The following USP37 variants were observed in gnomAD, a reference collection of about 807,000 sequenced individuals.
The protein encoded by USP37 is ubiquitin specific peptidase 37.
In USP37, 27 loss-of-function variants were observed where a neutral mutation model predicts 124.0. The ratio of observed to expected loss-of-function variants is 0.22; its 90% CI spans 0.16 to 0.30. The LOEUF is 0.30. Among genes scored for constraint, USP37 ranks in the 10% least tolerant of loss-of-function variants. USP37 has a pLI of 1.00. For missense variants in USP37, 889 were observed against 1,140.4 expected, an observed-to-expected ratio of 0.78 and a Z score of 3.17; for synonymous variants, 365 against 388.0, an observed-to-expected ratio of 0.94 and a Z score of 0.70.
chr2:218,450,701 T>C lies in USP37; in HGVS notation c.*4229A>G, dbSNP rs1463547499. 6.6e-6 allele frequency: 1 copy of C among 152,244 alleles called. No homozygotes were observed. Among genetic ancestry groups the C allele is most frequent in the Non-Finnish European group, 1.5e-5 (1 of 68,054 alleles). The allele number at this position is 152,244 out of a possible 1,614,324, so 9.4% of individuals were successfully genotyped here. On this transcript the variant is annotated 3_prime_UTR_variant, in exon 26 of 26. Coordinates refer to ENST00000258399, the MANE Select transcript of USP37 (RefSeq NM_020935.3). ...AGTAGACCAGTTTAGTTGACTGTTC[T>C]TCTTTGTTCTGGCATCTGACTGGAC...
chr2:218,456,365 C>G (rs1456897201), intron 24 of USP37, among the ~76,000 whole-genome samples: 1 of 151,424 alleles, frequency 6.6e-6, no homozygotes, highest in Non-Finnish European at 1.5e-5. Flanking sequence ...GGAGGAGGAT[C>G]TCTTGAGCTC....
intron 8 of USP37, among the ~76,000 whole-genome samples, chr2:218,537,826 C>T (rs948262749): frequency 6.6e-6 from 1 of 152,136 alleles, no homozygotes; most frequent in Non-Finnish European, 1.5e-5. Context: ...CAAGACCATG[C>T]TGTCTGCAGC....
intron 15 of USP37, among the ~76,000 whole-genome samples, chr2:218,486,877 C>G (rs1217205851): frequency 1.3e-5 from 2 of 152,102 alleles, no homozygotes; most frequent in Non-Finnish European, 2.9e-5. Flanking sequence ...AGGCGCCCGC[C>G]ACCACGCCCA....
At chr2:218,546,412 C>T in intron 7 of USP37, 114 bp from the exon 8 acceptor site, 1 of 664,320 alleles carries the variant, frequency 1.5e-6, no homozygotes, top group Non-Finnish European at 2.5e-6. Context: ...TAATTCTCTA[C>T]ACCATATTTA....
intron 11 of USP37, among the ~76,000 whole-genome samples, chr2:218,502,158 G>C (rs905717810): frequency 6.6e-6 from 1 of 151,872 alleles, no homozygotes. Flanking sequence ...ACTTAAACAG[G>C]AGACTCAAAA....
chr2:218,480,457 A>G, intron 17 of USP37, among the ~76,000 whole-genome samples: 1 of 152,140 alleles, frequency 6.6e-6, no homozygotes, highest in South Asian at 2.1e-4. Context: ...AGAAAATAAA[A>G]TACCATCTCT....
At chr2:218,566,910 G>A (rs1182031923) in intron 1 of USP37, among the ~76,000 whole-genome samples, 1 of 152,112 alleles carries the variant, frequency 6.6e-6, no homozygotes, top group Non-Finnish European at 1.5e-5. Context: ...TGGGACACTG[G>A]AGAAGAAAGA....
chr2:218,546,369 T>C, intron 7 of USP37, 71 bp from the exon 8 acceptor site: 1 of 1,064,592 alleles, frequency 9.4e-7, no homozygotes, highest in East Asian at 2.4e-5. Flanking sequence ...TAAATCAACA[T>C]ACTGAAGGAC....
intron 1 of USP37, 57 bp downstream of exon 1, chr2:218,568,121 A>AAGG (rs1240903194): frequency 6.6e-6 from 1 of 152,404 alleles, no homozygotes; most frequent in Admixed American, 6.5e-5. Context: ...GATCGCACAG[A>AAGG]AGGAGGAGGA....
intron 20 of USP37, chr2:218,473,230 T>C (rs761688404): frequency 2.6e-5 from 4 of 152,274 alleles, no homozygotes; most frequent in South Asian, 2.1e-4. Context: ...TAGGAAGTTA[T>C]AGGACTGGGC....
At position 218,526,933 on chromosome 2, in the gene USP37, C is replaced by G. The variant is rs569453709; in HGVS notation, c.863+3023G>C. Among the ~76,000 whole-genome samples the G allele has an allele frequency of 3.3e-5, 5 of 151,660 alleles. No homozygotes were observed. In the South Asian group the frequency reaches 1.0e-3, roughly 32 times the overall value. On this transcript the variant is annotated intron_variant, in intron 10 of 25. Coordinates refer to ENST00000258399, the MANE Select transcript of USP37 (RefSeq NM_020935.3). The stretch of plus-strand genomic sequence containing the variant: ...CCTCCCGAGTAGCTGGGACTACAGG[C>G]GCCCGCCACCACGCCCGGCTAATTT...
At chr2:218,474,483 T>C in intron 20 of USP37, 147 bp downstream of exon 20, 1 of 1,199,794 alleles carries the variant, frequency 8.3e-7, no homozygotes, top group Admixed American at 2.8e-5. Flanking sequence ...TGCCTCAGCC[T>C]CCCGAGTAGC....
chr2:218,511,411 C>T lies in USP37; in HGVS notation c.864-1271G>A, dbSNP rs774495501. 5.3e-5 allele frequency among the ~76,000 whole-genome samples: 8 copies of T among 152,182 alleles called. No homozygotes were observed. The East Asian group carries it at 5.8e-4, about 11-fold the overall frequency. On this transcript the variant is annotated intron_variant, in intron 10 of 25. Transcript: ENST00000258399. ...GCAACCTCCGCCTCCCGGATTCAAG[C>T]GATTCTCCTGCCTCAGGCTCCCGAC...
chr2:218,550,627 A>C (rs1574956303), intron 5 of USP37, among the ~76,000 whole-genome samples: 2 of 151,304 alleles, frequency 1.3e-5, no homozygotes, highest in Non-Finnish European at 2.9e-5. Flanking sequence ...CAAAAAAAAA[A>C]GAAAAAAGAA....
chr2:218,539,637 C>A (rs1287530220), intron 8 of USP37, among the ~76,000 whole-genome samples: 1 of 151,916 alleles, frequency 6.6e-6, no homozygotes, highest in Non-Finnish European at 1.5e-5. Flanking sequence ...ATCGCCTGAG[C>A]CCGGGAGGCG....
chr2:218,468,293 C>T (rs1690482547), intron 20 of USP37, among the ~76,000 whole-genome samples: 3 of 151,908 alleles, frequency 2.0e-5, no homozygotes, highest in Admixed American at 1.3e-4. Context: ...CAACCTCCAC[C>T]TCCCGGGTTC....
intron 4 of USP37, among the ~76,000 whole-genome samples, chr2:218,554,536 C>A (rs1191473228): frequency 6.6e-6 from 1 of 152,136 alleles, no homozygotes; most frequent in Non-Finnish European, 1.5e-5. Context: ...CACCTGAGGT[C>A]AGGAGTTCAA....
chr2:218,534,509 T>C (rs1041993496), intron 9 of USP37, 100 bp downstream of exon 9: 2 of 568,996 alleles, frequency 3.5e-6, no homozygotes, highest in Non-Finnish European at 5.0e-6. Context: ...TATAAATAAA[T>C]AAAAATAAAA....
At chr2:218,526,823 C>T (rs1407026652) in intron 10 of USP37, among the ~76,000 whole-genome samples, 2 of 104,694 alleles carry the variant, frequency 1.9e-5, no homozygotes, top group African/African-American at 7.5e-5. Flanking sequence ...GAGTCTTGCT[C>T]TGTCGCCCAG....
Sources: gnomAD v4.1 joint callset for allele counts (sites outside exome capture counted in the v4.1 genomes callset) on GRCh38, gnomAD v4.1.1 for gene constraint, MANE v1.5 for transcripts, NCBI Gene and HGNC (gene_info 2026-07-23, HGNC 2026-07-21) for gene names.